The following INVS variants were observed in gnomAD, a reference collection of about 807,000 sequenced individuals.
INVS encodes inversin.
In INVS, 86 loss-of-function variants were observed where a neutral mutation model predicts 108.8. The ratio of observed to expected loss-of-function variants is 0.79; its 90% CI spans 0.66 to 0.95. The LOEUF (loss-of-function observed/expected upper bound fraction) is 0.95. Among genes scored for constraint, INVS ranks in the 40% least tolerant of loss-of-function variants. INVS has a pLI of 0.00. For synonymous variants in INVS, 455 were observed against 473.5 expected, an observed-to-expected ratio of 0.96 and a Z score of 0.51; for missense variants, 1,169 against 1,297.4, an observed-to-expected ratio of 0.90 and a Z score of 1.52.
At chr9:100,255,559 A>G (rs1346205716) in intron 10 of INVS, among the ~76,000 whole-genome samples, 1 of 152,238 alleles carries the variant, frequency 6.6e-6, no homozygotes, top group Admixed American at 6.5e-5. Context: ...TTTGTCATAA[A>G]TAGCTCTTAT....
intron 7 of INVS, among the ~76,000 whole-genome samples, chr9:100,245,220 T>C (rs1832003938): frequency 6.6e-6 from 1 of 152,172 alleles, no homozygotes; most frequent in Non-Finnish European, 1.5e-5. Context: ...TAACCCCCAA[T>C]AAAATTGTCA....
chr9:100,207,831 A>G (rs1830719317), intron 3 of INVS, among the ~76,000 whole-genome samples: 1 of 152,176 alleles, frequency 6.6e-6, no homozygotes, highest in Non-Finnish European at 1.5e-5. Context: ...CAATATATGT[A>G]AAGCATAAAA....
rs139944164 is a variant in INVS at position 100,129,980 on chromosome 9, A to C, written c.273+3431A>C. ...TCACAAGTTTTTAACAGATTCCTAA[A>C]CTGTGCTTGTATAGGGTGGTGCTCT... On this transcript the variant is annotated intron_variant, in intron 3 of 16. Coordinates refer to ENST00000262457, the MANE Select transcript of INVS (RefSeq NM_014425.5). 5.3e-5 allele frequency: 20 copies of C among 375,390 alleles called. No homozygotes were observed. In the Admixed American group the frequency reaches 8.2e-4, roughly 15 times the overall value. 23.3% of individuals were successfully genotyped at this position (375,390 alleles called of 1,614,324 possible). A position where few individuals can be genotyped will look rare whatever the true frequency, so the allele number is the denominator to read the frequency against.
In INVS at chr9:100,222,730, C is replaced by G. The variant is rs79921848; in HGVS notation, c.274-3332C>G. ...TATCTTTAAAGGTCATGATGAATTACTCTGTAATATTTGAAGTGTTATGTT... is the reference window on the plus strand; with the variant it reads ...TATCTTTAAAGGTCATGATGAATTAGTCTGTAATATTTGAAGTGTTATGTT... On this transcript the variant is annotated intron_variant, in intron 3 of 16. Transcript: ENST00000262457. Among the ~76,000 whole-genome samples, 5 of 151,922 alleles carry G rather than the reference C, an allele frequency of 3.3e-5. No individual in the cohort carries two copies. In the South Asian group the frequency reaches 1.0e-3, roughly 32 times the overall value.
intron 3 of INVS, among the ~76,000 whole-genome samples, chr9:100,150,438 G>A (rs846766): frequency 0.48 from 73,262 of 151,922 alleles, 18,783 homozygotes; most frequent in East Asian, 0.9. Flanking sequence ...ATTGAATTTC[G>A]ATGAAACCTA....
intron 3 of INVS, among the ~76,000 whole-genome samples, chr9:100,217,453 T>A (rs563736457): frequency 6.6e-6 from 1 of 152,102 alleles, no homozygotes; most frequent in African/African-American, 2.4e-5. Flanking sequence ...GACACAAGAC[T>A]CCCATCAGAG....
chr9:100,231,552 CTGTGTCCA>C, intron 5 of INVS, among the ~76,000 whole-genome samples: 1 of 150,496 alleles, frequency 6.6e-6, no homozygotes, highest in Non-Finnish European at 1.5e-5. Context: ...GTTCCCCTCC[CTGTGTCCA>C]TGTGTTCTCA....
At chr9:100,129,855 A>C in intron 3 of INVS, 1 of 469,192 alleles carries the variant, frequency 2.1e-6, no homozygotes, top group Non-Finnish European at 3.9e-6. Context: ...GAAGAAACTG[A>C]GGCAGAGTTT....
chr9:100,152,144 C>T lies in INVS; in HGVS notation c.273+25595C>T, dbSNP rs900847198. ...TCAACCACTGTTATACCACCTTTTA[C>T]ACTGAAATATATTTATTTGTTTACA... On this transcript the variant is annotated intron_variant, in intron 3 of 16. Transcript: ENST00000262457. Among the ~76,000 whole-genome samples, 4 of 152,154 alleles carry T rather than the reference C, an allele frequency of 2.6e-5. 1 individual carries two copies. Among genetic ancestry groups the T allele is most frequent in the South Asian group, 4.1e-4 (2 of 4,832 alleles).
intron 3 of INVS, among the ~76,000 whole-genome samples, chr9:100,128,002 T>G (rs1052028548): frequency 1.3e-5 from 2 of 152,164 alleles, no homozygotes; most frequent in Non-Finnish European, 1.5e-5. Flanking sequence ...TTATGATTGA[T>G]TTAGGTGTAA....
intron 2 of INVS, among the ~76,000 whole-genome samples, chr9:100,123,449 T>C (rs534111287): frequency 1.9e-4 from 29 of 152,372 alleles, no homozygotes; most frequent in Admixed American, 8.5e-4. Context: ...TTCCTTTTGC[T>C]GAGTAATATT....
In INVS at chr9:100,253,133, A is replaced by G; in HGVS notation, c.1461A>G (p.Lys487=). ...ATGCAGACCCTAACATTCAAGACAAAGAGGTAGAAATTCTGTCTTTTCTAT... is the reference window on the plus strand; with the variant it reads ...ATGCAGACCCTAACATTCAAGACAAGGAGGTAGAAATTCTGTCTTTTCTAT... The part of the protein sequence containing the change: ...ENNADPNIQD[K]EGRTALHWSC... Residue 487 remains lysine (K), a synonymous_variant, in exon 10 of 17, where the codon AAA becomes AAG. Transcript: ENST00000262457. 4 of 1,609,114 alleles carry G rather than the reference A, an allele frequency of 2.5e-6. No individual in the cohort carries two copies. Among genetic ancestry groups the G allele is most frequent in the Non-Finnish European group, 3.4e-6 (4 of 1,175,846 alleles).
intron 4 of INVS, among the ~76,000 whole-genome samples, chr9:100,228,888 A>G (rs1216258099): frequency 6.6e-6 from 1 of 152,244 alleles, no homozygotes; most frequent in Non-Finnish European, 1.5e-5. Context: ...CCTCCAATGG[A>G]CACTTGAAAC....
chr9:100,224,115 A>G (rs1324946797), intron 3 of INVS, among the ~76,000 whole-genome samples: 1 of 152,246 alleles, frequency 6.6e-6, no homozygotes, highest in East Asian at 1.9e-4. Context: ...GTTGGGCCAC[A>G]TTCAAAGCCA....
intron 3 of INVS, among the ~76,000 whole-genome samples, chr9:100,213,711 C>T (rs185243985): frequency 6.6e-6 from 1 of 152,090 alleles, no homozygotes; most frequent in Non-Finnish European, 1.5e-5. Context: ...TTCCCTTGCC[C>T]CCAGAGAACA....
chr9:100,258,721 T>C (rs1832509973), intron 10 of INVS, among the ~76,000 whole-genome samples: 1 of 152,230 alleles, frequency 6.6e-6, no homozygotes, highest in African/African-American at 2.4e-5. Flanking sequence ...CAGCGGAGGC[T>C]GCAGAACAGC....
At chr9:100,255,267 A>C (rs1413001169) in intron 10 of INVS, among the ~76,000 whole-genome samples, 1 of 152,232 alleles carries the variant, frequency 6.6e-6, no homozygotes, top group African/African-American at 2.4e-5. Flanking sequence ...TTGATTTTGT[A>C]TCCTGAGACT....
chr9:100,206,363 TTTTC>T (rs1359445251), intron 3 of INVS, among the ~76,000 whole-genome samples: 1 of 152,154 alleles, frequency 6.6e-6, no homozygotes, highest in Non-Finnish European at 1.5e-5. Flanking sequence ...TTTAAGTTTT[TTTTC>T]TTTTTTTCTA....
intron 3 of INVS, among the ~76,000 whole-genome samples, chr9:100,187,521 A>ATTTTTTTTTTT (rs1830087780): frequency 5.5e-4 from 49 of 89,378 alleles, no homozygotes; most frequent in African/African-American, 1.9e-3. Context: ...ATCATCTATG[A>ATTTTTTTTTTT]TTTCTTTTTT....
Sources: gnomAD v4.1 joint callset for allele counts (sites outside exome capture counted in the v4.1 genomes callset) on GRCh38, gnomAD v4.1.1 for gene constraint, MANE v1.5 for transcripts, NCBI Gene and HGNC (gene_info 2026-07-23, HGNC 2026-07-21) for gene names.